DCLK1: variants seen among roughly 807,000 people sequenced by gnomAD.
The protein encoded by DCLK1 is doublecortin like kinase 1.
DCLK1 carries 16 observed loss-of-function variants against 86.2 expected under a neutral mutation model. The ratio of observed to expected loss-of-function variants is 0.19; its 90% CI spans 0.13 to 0.28. The LOEUF is 0.28. Among genes scored for constraint, DCLK1 ranks in the 10% least tolerant of loss-of-function variants. The probability of loss-of-function intolerance (pLI) is 1.00; values close to 1 mark genes in which losing one functional copy is unlikely to be tolerated. For synonymous variants in DCLK1, 369 were observed against 370.5 expected, an observed-to-expected ratio of 1.00 and a Z score of 0.05; for missense variants, 590 against 940.2, an observed-to-expected ratio of 0.63 and a Z score of 4.87.
intron 13 of DCLK1, 47 bp from the exon 14 acceptor site, chr13:35,808,367 C>T (rs557039947): frequency 1.3e-6 from 2 of 1,495,148 alleles, no homozygotes; most frequent in South Asian, 1.1e-5. Flanking sequence ...AAGATATCAA[C>T]TCAGTGTACA....
chr13:35,991,914 A>G (rs1344706481), intron 3 of DCLK1, among the ~76,000 whole-genome samples: 1 of 152,148 alleles, frequency 6.6e-6, no homozygotes, highest in African/African-American at 2.4e-5. Flanking sequence ...TATACACGGC[A>G]TTGATCAAGC....
At chr13:35,837,345 C>G (rs887489428) in intron 7 of DCLK1, among the ~76,000 whole-genome samples, 5 of 152,174 alleles carry the variant, frequency 3.3e-5, no homozygotes, top group Non-Finnish European at 5.9e-5. Context: ...GGCATTGGTA[C>G]AGCCTCTTCA....
intron 5 of DCLK1, among the ~76,000 whole-genome samples, chr13:35,859,832 G>A (rs1199613306): frequency 6.6e-6 from 1 of 152,152 alleles, no homozygotes; most frequent in African/African-American, 2.4e-5. Context: ...GAAATACTTG[G>A]CTTAATTTAC....
intron 16 of DCLK1, among the ~76,000 whole-genome samples, chr13:35,783,673 C>T (rs1389134749): frequency 6.6e-6 from 1 of 151,364 alleles, no homozygotes; most frequent in Non-Finnish European, 1.5e-5. Context: ...GCATTTCCGC[C>T]TCCCGGGCCC....
At chr13:36,048,501 T>C (rs1432596718) in intron 3 of DCLK1, among the ~76,000 whole-genome samples, 1 of 152,200 alleles carries the variant, frequency 6.6e-6, no homozygotes, top group Admixed American at 6.5e-5. Flanking sequence ...TTATAAAGAA[T>C]GTATATTCTC....
At chr13:35,868,453 A>G (rs1293647785) in intron 5 of DCLK1, among the ~76,000 whole-genome samples, 2 of 152,236 alleles carry the variant, frequency 1.3e-5, no homozygotes, top group African/African-American at 4.8e-5. Flanking sequence ...ACCCATTATT[A>G]GATGCATCTG....
At chr13:35,928,908 G>A (rs1593741281) in intron 4 of DCLK1, among the ~76,000 whole-genome samples, 1 of 152,236 alleles carries the variant, frequency 6.6e-6, no homozygotes, top group East Asian at 1.9e-4. Context: ...TATCTCACTT[G>A]AGCAAGAAGC....
chr13:35,918,848 T>TTA (rs1479498675), intron 4 of DCLK1, among the ~76,000 whole-genome samples: 1 of 145,390 alleles, frequency 6.9e-6, no homozygotes, highest in African/African-American at 2.5e-5. Flanking sequence ...ATTAATTGTC[T>TTA]TATAATTTGT....
At chr13:35,844,281 T>C (rs1435798693) in intron 6 of DCLK1, among the ~76,000 whole-genome samples, 1 of 152,234 alleles carries the variant, frequency 6.6e-6, no homozygotes, top group Admixed American at 6.5e-5. Flanking sequence ...ACTCATGAAG[T>C]TGGTTTACTG....
chr13:36,115,423 G>A (rs1039972622), intron 2 of DCLK1, among the ~76,000 whole-genome samples: 5 of 152,174 alleles, frequency 3.3e-5, no homozygotes, highest in African/African-American at 1.2e-4. Context: ...TCCTATAGGT[G>A]AACTTGAACA....
At chr13:35,912,264 C>T (rs1413282352) in intron 4 of DCLK1, among the ~76,000 whole-genome samples, 1 of 152,146 alleles carries the variant, frequency 6.6e-6, no homozygotes, top group Non-Finnish European at 1.5e-5. Flanking sequence ...AGGTCCGTGG[C>T]AAAATCCCAT....
intron 3 of DCLK1, among the ~76,000 whole-genome samples, chr13:36,077,296 T>C (rs1884246968): frequency 6.6e-6 from 1 of 152,166 alleles, no homozygotes. Flanking sequence ...TTTTCCAGCC[T>C]AAACAATCAC....
chr13:36,122,776 T>C (rs563753710), intron 2 of DCLK1, among the ~76,000 whole-genome samples: 1 of 152,302 alleles, frequency 6.6e-6, no homozygotes, highest in African/African-American at 2.4e-5. Flanking sequence ...TGCTCTTAAG[T>C]GTATGTGTGT....
intron 4 of DCLK1, among the ~76,000 whole-genome samples, chr13:35,924,458 T>C (rs1469907724): frequency 6.6e-6 from 1 of 152,086 alleles, no homozygotes; most frequent in Non-Finnish European, 1.5e-5. Context: ...GAGATCAGTC[T>C]GTCCAACATG....
chr13:35,813,723 C>T (rs1009369519), intron 11 of DCLK1, among the ~76,000 whole-genome samples: 2 of 146,812 alleles, frequency 1.4e-5, no homozygotes, highest in African/African-American at 2.5e-5. Context: ...CACAGTGCCC[C>T]GCCCCGCTTT....
intron 16 of DCLK1, among the ~76,000 whole-genome samples, chr13:35,786,281 G>A (rs1218941834): frequency 2.6e-5 from 4 of 152,086 alleles, no homozygotes; most frequent in Non-Finnish European, 5.9e-5. Context: ...CTTTATATGT[G>A]TAATTTTTAT....
intron 3 of DCLK1, among the ~76,000 whole-genome samples, chr13:35,986,338 A>G (rs1056280702): frequency 3.4e-5 from 5 of 147,764 alleles, no homozygotes; most frequent in Non-Finnish European, 6.0e-5. Context: ...AGGCCAATGA[A>G]GCAGCATTAT....
chr13:36,031,765 G>T (rs542635149), intron 3 of DCLK1, among the ~76,000 whole-genome samples: 1 of 152,326 alleles, frequency 6.6e-6, no homozygotes, highest in East Asian at 1.9e-4. Context: ...GATTTGTTGT[G>T]GTTGTTGTTG....
intron 4 of DCLK1, among the ~76,000 whole-genome samples, chr13:35,886,513 C>A (rs1873263731): frequency 6.6e-6 from 1 of 152,132 alleles, no homozygotes; most frequent in Admixed American, 6.5e-5. Context: ...GTTGCACAAG[C>A]AATGCCACTT....
Sources: gnomAD v4.1 joint callset for allele counts (sites outside exome capture counted in the v4.1 genomes callset) on GRCh38, gnomAD v4.1.1 for gene constraint, MANE v1.5 for transcripts, NCBI Gene and HGNC (gene_info 2026-07-23, HGNC 2026-07-21) for gene names.